CYB5R4: variants seen among roughly 807,000 people sequenced by gnomAD.
The protein encoded by CYB5R4 is cytochrome b5 reductase 4.
A neutral mutation model predicts 70.2 loss-of-function variants in CYB5R4; 55 were observed. The ratio of observed to expected loss-of-function variants is 0.78; its 90% CI spans 0.63 to 0.98. The LOEUF (loss-of-function observed/expected upper bound fraction) is 0.98, where lower values mean the gene tolerates loss of function less well. CYB5R4 is among the 50% of genes least tolerant of loss of function. CYB5R4 has a pLI of 0.00. For synonymous variants in CYB5R4, 197 were observed against 199.5 expected (o/e 0.99, Z 0.11); for missense variants, 562 against 612.6 (o/e 0.92, Z 0.87).
chr6:83,941,394 C>A (rs2099469745), intron 14 of CYB5R4, among the ~76,000 whole-genome samples: 1 of 152,098 alleles, frequency 6.6e-6, no homozygotes, highest in Non-Finnish European at 1.5e-5. Flanking sequence ...TAAAGCATTT[C>A]TATAATCATT....
At chr6:83,872,005 C>T (rs2099457722) in intron 2 of CYB5R4, among the ~76,000 whole-genome samples, 2 of 151,686 alleles carry the variant, frequency 1.3e-5, no homozygotes, top group East Asian at 3.9e-4. Context: ...TTGTTGTTTT[C>T]TATTTTGTTA....
chr6:83,867,564 C>T (rs533458556), intron 2 of CYB5R4, among the ~76,000 whole-genome samples: 10 of 152,062 alleles, frequency 6.6e-5, no homozygotes, highest in East Asian at 1.9e-4. Context: ...TACAGAAGTT[C>T]GGATGATAAC....
chr6:83,941,875 C>A (rs1312543519), intron 14 of CYB5R4, among the ~76,000 whole-genome samples: 1 of 152,088 alleles, frequency 6.6e-6, no homozygotes, highest in Non-Finnish European at 1.5e-5. Context: ...TATCAAGAAG[C>A]CTAAAGACCT....
chr6:83,901,837 A>C (rs1229615682), intron 3 of CYB5R4, among the ~76,000 whole-genome samples: 1 of 151,702 alleles, frequency 6.6e-6, no homozygotes, highest in Admixed American at 6.6e-5. Flanking sequence ...TCATCTTTTG[A>C]GAATTGTCTA....
Position 83,946,722 on chromosome 6 carries a change from G to C in CYB5R4, c.1346+6121G>C, listed in dbSNP as rs181509309. ...TAAGCTGATAAGCAACTTCAGCAAA[G>C]TCTCAGGATACAAAATCAATGTGCA... On this transcript the variant is annotated intron_variant, in intron 14 of 15. Transcript: ENST00000369681. Among the ~76,000 whole-genome samples the C allele has an allele frequency of 5.8e-3, 881 of 152,298 alleles. 6 individuals carry two copies. The highest frequency in any genetic ancestry group is 0.02 in the African/African-American group (849 of 41,566).
intron 3 of CYB5R4, among the ~76,000 whole-genome samples, chr6:83,902,970 A>G (rs926772726): frequency 6.6e-6 from 1 of 152,130 alleles, no homozygotes; most frequent in African/African-American, 2.4e-5. Flanking sequence ...ATTTGTTAAA[A>G]GGGACAGTTT....
chr6:83,919,050 G>C (rs191178932), intron 6 of CYB5R4, among the ~76,000 whole-genome samples: 1 of 145,328 alleles, frequency 6.9e-6, no homozygotes, highest in Non-Finnish European at 1.5e-5. Context: ...TAATAAACAT[G>C]TGCATTTTTT....
intron 2 of CYB5R4, among the ~76,000 whole-genome samples, chr6:83,881,016 C>T (rs907120915): frequency 6.6e-5 from 10 of 152,142 alleles, no homozygotes; most frequent in African/African-American, 2.4e-4. Context: ...TTCCTCACTT[C>T]AAGTATGTCT....
At chr6:83,875,544 C>G (rs1239973079) in intron 2 of CYB5R4, among the ~76,000 whole-genome samples, 1 of 152,068 alleles carries the variant, frequency 6.6e-6, no homozygotes, top group Non-Finnish European at 1.5e-5. Flanking sequence ...GTCCTTGGGT[C>G]TTGTGCAAGA....
intron 6 of CYB5R4, 23 bp downstream of exon 6, chr6:83,918,088 T>C (rs755900651): frequency 3.2e-6 from 5 of 1,576,106 alleles, no homozygotes; most frequent in Non-Finnish European, 4.4e-6. Flanking sequence ...ATTTAAAATT[T>C]TTAAAGTTAA....
intron 10 of CYB5R4, among the ~76,000 whole-genome samples, chr6:83,930,106 C>T (rs779499207): frequency 1.3e-5 from 2 of 152,136 alleles, no homozygotes; most frequent in African/African-American, 2.4e-5. Flanking sequence ...CAGTATATTA[C>T]TAAAAAATGC....
chr6:83,860,484 T>C (rs533633470), intron 1 of CYB5R4, among the ~76,000 whole-genome samples: 3 of 152,362 alleles, frequency 2.0e-5, no homozygotes, highest in South Asian at 4.1e-4. Flanking sequence ...TGAGTTCTTG[T>C]TGAGCACAGT....
intron 2 of CYB5R4, among the ~76,000 whole-genome samples, chr6:83,879,927 G>A (rs2099459192): frequency 6.6e-6 from 1 of 152,112 alleles, no homozygotes; most frequent in African/African-American, 2.4e-5. Context: ...GGTTCATGTG[G>A]TTCATCTCCT....
At chr6:83,887,794 T>G (rs1486403663) in intron 2 of CYB5R4, among the ~76,000 whole-genome samples, 4 of 142,302 alleles carry the variant, frequency 2.8e-5, no homozygotes, top group Admixed American at 7.0e-5. Flanking sequence ...GGTGGGTGGG[T>G]GAATGGATAG....
rs2099466323 is a variant in CYB5R4 at position 83,921,190 on chromosome 6, A to G, written c.658+15A>G. On this transcript the variant is annotated intron_variant, in intron 8 of 15. Transcript: ENST00000369681. ...TATACATATTGGTGAGTACTTTATT[A>G]TTATTAATGGAAAGAGCTCTGGTTT... 5 of 1,466,394 alleles carry G rather than the reference A, an allele frequency of 3.4e-6. No individual in the cohort carries two copies. Among genetic ancestry groups the G allele is most frequent in the Non-Finnish European group, 2.8e-6 (3 of 1,088,220 alleles). 90.8% of individuals were successfully genotyped at this position (1,466,394 alleles called of 1,614,324 possible).
At chr6:83,870,721 C>T (rs1227764151) in intron 2 of CYB5R4, among the ~76,000 whole-genome samples, 2 of 152,010 alleles carry the variant, frequency 1.3e-5, no homozygotes, top group Non-Finnish European at 2.9e-5. Flanking sequence ...GAACAACTCT[C>T]TTCTTCCATT....
intron 3 of CYB5R4, 69 bp from the exon 4 acceptor site, chr6:83,908,940 T>C: frequency 7.6e-7 from 1 of 1,323,472 alleles, no homozygotes; most frequent in Non-Finnish European, 1.1e-6. Flanking sequence ...TTAGTTTTGC[T>C]CGTACTAAAA....
At chr6:83,910,480 C>G (rs2099464509) in intron 4 of CYB5R4, among the ~76,000 whole-genome samples, 1 of 152,018 alleles carries the variant, frequency 6.6e-6, no homozygotes, top group Non-Finnish European at 1.5e-5. Context: ...TAATTCTTGC[C>G]AGAAAGATTT....
chr6:83,928,628 A>G (rs1170877564), intron 10 of CYB5R4, among the ~76,000 whole-genome samples: 1 of 152,246 alleles, frequency 6.6e-6, no homozygotes, highest in Non-Finnish European at 1.5e-5. Context: ...ATATATAGGA[A>G]AGTTCAAATG....
Sources: allele counts gnomAD v4.1 joint callset (sites outside exome capture counted in the v4.1 genomes callset), GRCh38; gene constraint gnomAD v4.1.1; transcripts MANE v1.5; gene names NCBI Gene and HGNC (gene_info 2026-07-23, HGNC 2026-07-21).